Variants in SYNE1 observed in about 807,000 individuals in gnomAD.
The protein encoded by SYNE1 is nesprin-1.
Under a neutral mutation model 1,111.0 loss-of-function variants are expected in SYNE1, and 616 were observed. The observed-to-expected ratio is 0.55, with a 90% CI of 0.52 to 0.59. SYNE1 has a LOEUF of 0.59. Ranked by LOEUF, SYNE1 falls within the 20% of genes least tolerant of loss-of-function variation. The pLI, the probability that SYNE1 is intolerant of heterozygous loss-of-function variation, is 0.00. For missense variants in SYNE1, 10,006 were observed against 10,417.0 expected, an observed-to-expected ratio of 0.96 and a Z score of 1.72; for synonymous variants, 3,855 against 3,825.8, an observed-to-expected ratio of 1.01 and a Z score of -0.28.
At chr6:152,196,404 C>A (rs1476190083) in intron 127 of SYNE1, among the ~76,000 whole-genome samples, 2 of 152,068 alleles carry the variant, frequency 1.3e-5, no homozygotes, top group East Asian at 3.9e-4. Context: ...TTGAAGCCAG[C>A]ATGTCTCCGA....
intron 25 of SYNE1, among the ~76,000 whole-genome samples, chr6:152,452,927 T>G (rs577292730): frequency 2.0e-5 from 3 of 152,368 alleles, no homozygotes; most frequent in Admixed American, 2.0e-4. Context: ...CATTTCTGCT[T>G]CTTCTGTAAA....
At chr6:152,151,818 T>C in intron 134 of SYNE1, 128 bp from the exon 135 acceptor site, 1 of 1,486,862 alleles carries the variant, frequency 6.7e-7, no homozygotes, top group Non-Finnish European at 9.2e-7. Context: ...AAGCCTGCAA[T>C]CCTTTGCTAT....
chr6:152,369,267 C>T (rs778888467), intron 60 of SYNE1, 140 bp from the exon 61 acceptor site: 2 of 1,338,460 alleles, frequency 1.5e-6, no homozygotes, highest in South Asian at 2.5e-5. Flanking sequence ...AATCTACACA[C>T]CGTGGAGCAC....
intron 30 of SYNE1, among the ~76,000 whole-genome samples, chr6:152,443,867 T>C (rs567231940): frequency 4.6e-5 from 7 of 152,306 alleles, no homozygotes; most frequent in Admixed American, 2.0e-4. Flanking sequence ...ATTAAGTTGA[T>C]TAAAATAGCT....
intron 39 of SYNE1, among the ~76,000 whole-genome samples, chr6:152,424,977 T>C (rs1004686102): frequency 6.6e-6 from 1 of 152,206 alleles, no homozygotes; most frequent in African/African-American, 2.4e-5. Flanking sequence ...CCTTGCTCTC[T>C]CCAGAAGATC....
chr6:152,231,303 G>T, intron 114 of SYNE1, 88 bp downstream of exon 114: 1 of 1,440,044 alleles, frequency 6.9e-7, no homozygotes, highest in South Asian at 1.1e-5. Flanking sequence ...GTATAGCCAC[G>T]CTACTTGTGA....
intron 39 of SYNE1, among the ~76,000 whole-genome samples, chr6:152,419,968 G>A (rs1019748945): frequency 2.0e-5 from 3 of 152,150 alleles, no homozygotes; most frequent in East Asian, 1.9e-4. Context: ...CTTTCTTTAC[G>A]AGTGCATCTA....
chr6:152,133,232 C>T (rs753328975), intron 143 of SYNE1, 44 bp downstream of exon 143: 4 of 1,564,252 alleles, frequency 2.6e-6, no homozygotes, highest in South Asian at 1.1e-5. Context: ...CTTCTTTGGT[C>T]TCCAGTAAGA....
chr6:152,387,154 T>TG lies in SYNE1; in HGVS notation c.8404_8405insC (p.Glu2802AlafsTer6). The TG allele has an allele frequency of 6.2e-7, 1 of 1,614,202 alleles. No individual in the cohort carries two copies. The highest frequency in any genetic ancestry group is 8.5e-7 in the Non-Finnish European group (1 of 1,180,020). On this transcript the variant is annotated frameshift_variant, in exon 54 of 146. Transcript: ENST00000367255. LOFTEE classifies it high-confidence loss of function. Reference sequence around the variant, plus strand: ...CTTGAAAGACTCATCCTCTGTCTTTTCGTAGAGCTCCCTGGACTTCGCAAT... The same window carrying TG: ...CTTGAAAGACTCATCCTCTGTCTTTTGCGTAGAGCTCCCTGGACTTCGCAAT...
In SYNE1 at chr6:152,359,316, T is replaced by C; in HGVS notation, c.10442A>G (p.Lys3481Arg). 1 of 1,613,916 alleles carries C rather than the reference T, an allele frequency of 6.2e-7. No individual in the cohort carries two copies. The highest frequency in any genetic ancestry group is 8.5e-7 in the Non-Finnish European group (1 of 1,179,962). The change falls in exon 65 of 146, where the codon AAG becomes AGG. Residue 3481 changes from lysine to arginine, a missense_variant and splice_region_variant. By Grantham distance (26) the Lys-to-Arg change is conservative. Coordinates refer to ENST00000367255, the MANE Select transcript of SYNE1 (RefSeq NM_182961.4). ...TACAAGGAAAGTGCTTTGCCGTACCTTGGCCCTCTCTTGGATGGCTCTGTA... is the reference window on the plus strand; with the variant it reads ...TACAAGGAAAGTGCTTTGCCGTACCCTGGCCCTCTCTTGGATGGCTCTGTA... ...ERYRAIQERAKEAVTKSEKLV... is the reference protein window; with the variant it reads ...ERYRAIQERAREAVTKSEKLV...
chr6:152,520,458 C>T lies in SYNE1; in HGVS notation c.309+1G>A, dbSNP rs1398734304. The stretch of plus-strand genomic sequence containing the variant: ...GCATTTTGTTTTTGTTTCTCTCTTA[C>T]CTTTCTTCCTTCGAGGAACTTGAGT... On this transcript the variant is annotated splice_donor_variant, in intron 6 of 145. Transcript: ENST00000367255. LOFTEE classifies it high-confidence loss of function. The T allele has an allele frequency of 1.2e-6, 2 of 1,613,166 alleles. No individual in the cohort carries two copies. The highest frequency in any genetic ancestry group is 1.1e-5 in the South Asian group (1 of 91,080).
intron 62 of SYNE1, 89 bp downstream of exon 62, chr6:152,367,129 G>T: frequency 2.7e-6 from 4 of 1,485,824 alleles, no homozygotes; most frequent in Non-Finnish European, 3.8e-6. Context: ...GAGAGAATGT[G>T]ACATCATCAC....
intron 3 of SYNE1, among the ~76,000 whole-genome samples, chr6:152,550,880 G>A (rs368849570): frequency 1.1e-3 from 162 of 152,152 alleles, no homozygotes; most frequent in African/African-American, 3.6e-3. Flanking sequence ...TTAGACTTTC[G>A]GATAAAGGGT....
rs1455829520 is a variant in SYNE1, at chr6:152,334,033, T to C, written c.12769A>G (p.Thr4257Ala). ...NVVEVFLEKF[T>A]TEWDNLARSD... ...CTGGCCAAGTTATCCCATTCTGTAG[T>C]AAATTTTTCTAGGAACACTTCAACA... The change falls in exon 77 of 146, where the codon ACT becomes GCT. Residue 4257 changes from threonine to alanine, a missense_variant. By Grantham distance (58) the Thr-to-Ala change is moderately conservative (BLOSUM62 0). This residue lies in a region of SYNE1 where 4,955 missense variants were observed against 5,017.2 expected (regional missense o/e 0.99). Coordinates refer to ENST00000367255, the MANE Select transcript of SYNE1 (RefSeq NM_182961.4). 6.2e-7 allele frequency: 1 copy of C among 1,614,176 alleles called. No homozygotes were observed. The highest frequency in any genetic ancestry group is 8.5e-7 in the Non-Finnish European group (1 of 1,180,028).
rs1418100072 is a variant in SYNE1, at chr6:152,301,880, A to G, written c.17530T>C (p.Ser5844Pro). 1 of 1,613,256 alleles carries G rather than the reference A, an allele frequency of 6.2e-7. No individual in the cohort carries two copies. Among genetic ancestry groups the G allele is most frequent in the Admixed American group, 1.7e-5 (1 of 59,996 alleles). ...ELLPTPSAHP[S>P]VVMMTAGRCH... The stretch of plus-strand genomic sequence containing the variant: ...CACTGGATCCTTACCATGACCACAG[A>G]GGGGTGGGCCGAAGGCGTGGGGAGG... The change falls in exon 92 of 146, where the codon TCT becomes CCT. Residue 5844 changes from serine to proline, a missense_variant. Physicochemically the swap from Ser to Pro is moderately conservative, Grantham distance 74. This residue lies in a region of SYNE1 where 4,955 missense variants were observed against 5,017.2 expected (regional missense o/e 0.99). Coordinates refer to ENST00000367255, the MANE Select transcript of SYNE1 (RefSeq NM_182961.4).
chr6:152,569,200 C>T (rs543660630), intron 3 of SYNE1, among the ~76,000 whole-genome samples: 1 of 152,248 alleles, frequency 6.6e-6, no homozygotes, highest in South Asian at 2.1e-4. Flanking sequence ...TAACAAGATA[C>T]CCAGGTGATT....
chr6:152,424,113 G>A (rs2098314216), intron 39 of SYNE1, among the ~76,000 whole-genome samples: 1 of 152,012 alleles, frequency 6.6e-6, no homozygotes, highest in Non-Finnish European at 1.5e-5. Flanking sequence ...TGTATCCTCG[G>A]CACCTAAAAA....
At position 152,181,183 on chromosome 6, in the gene SYNE1, G is replaced by A. The variant is rs143650115; in HGVS notation, c.23302-889C>T. On this transcript the variant is annotated intron_variant, in intron 128 of 145. Coordinates refer to ENST00000367255, the MANE Select transcript of SYNE1 (RefSeq NM_182961.4). ...TCCTAACACTTTGGGAGGCCAAGGC[G>A]GACAGATCACTAGAGGTCAGGAGTT... Among the ~76,000 whole-genome samples, 756 of 151,956 alleles carry A rather than the reference G, an allele frequency of 5.0e-3. 6 individuals carry two copies. The highest frequency in any genetic ancestry group is 0.017 in the African/African-American group (705 of 41,360).
intron 22 of SYNE1, among the ~76,000 whole-genome samples, chr6:152,456,499 T>C (rs1176916758): frequency 6.6e-6 from 1 of 151,762 alleles, no homozygotes; most frequent in East Asian, 1.9e-4. Context: ...ACTATATATA[T>C]ATATATAGTA....
Sources: gnomAD v4.1 joint callset for allele counts (sites outside exome capture counted in the v4.1 genomes callset) on GRCh38, gnomAD v4.1.1 for gene constraint, gnomAD v4.1.1 regional missense constraint, MANE v1.5 for transcripts, NCBI Gene and HGNC (gene_info 2026-07-23, HGNC 2026-07-21) for gene names.